Variants in XPO6 observed in about 807,000 individuals in gnomAD.
The protein encoded by XPO6 is exportin 6.
XPO6 carries 3 observed loss-of-function variants against 130.0 expected under a neutral mutation model. The observed-to-expected ratio is 0.02, with a 90% CI of 0.01 to 0.06. The LOEUF is 0.06. XPO6 is among the 10% of genes least tolerant of loss of function. XPO6 has a pLI of 1.00. For missense variants in XPO6, 970 were observed against 1,393.0 expected (o/e 0.70, Z 4.83); for synonymous variants, 524 against 548.9 (o/e 0.95, Z 0.63).
chr16:28,135,133 G>T, intron 10 of XPO6, 83 bp downstream of exon 10: 1 of 1,138,434 alleles, frequency 8.8e-7, no homozygotes. Context: ...CTTCGGAGCA[G>T]AGGGCTCTGG....
At chr16:28,149,886 T>C (rs2043055701) in intron 8 of XPO6, among the ~76,000 whole-genome samples, 2 of 152,186 alleles carry the variant, frequency 1.3e-5, no homozygotes, top group Admixed American at 1.3e-4. Context: ...TTTTCCCACA[T>C]TACAGGTAAT....
At chr16:28,209,450 A>G (rs2044090195) in intron 1 of XPO6, among the ~76,000 whole-genome samples, 1 of 151,690 alleles carries the variant, frequency 6.6e-6, no homozygotes. Context: ...GACCAGCCTG[A>G]CCAACATGGT....
rs938416365 is a variant in XPO6, at chr16:28,123,114, C to CT, written c.1767-1353dup. On this transcript the variant is annotated intron_variant, in intron 13 of 23. Coordinates refer to ENST00000304658, the MANE Select transcript of XPO6 (RefSeq NM_015171.4). ...ACAGGACAACATTCCTTTCTCTCCT[C>CT]TTTTTTTTGAGAAAGCGTCTTGCTC... is the stretch of plus-strand genomic sequence containing the variant. 2.5e-3 allele frequency among the ~76,000 whole-genome samples: 380 copies of CT among 151,934 alleles called. 4 individuals carry two copies. Among genetic ancestry groups the CT allele is most frequent in the African/African-American group, 7.0e-3 (289 of 41,376 alleles).
At chr16:28,189,315 T>C (rs2043748301) in intron 1 of XPO6, among the ~76,000 whole-genome samples, 1 of 150,110 alleles carries the variant, frequency 6.7e-6, no homozygotes, top group Non-Finnish European at 1.5e-5. Context: ...TATTCCTCTA[T>C]TTAAAAAAAA....
At chr16:28,138,626 G>A (rs952526846) in intron 9 of XPO6, among the ~76,000 whole-genome samples, 1 of 152,116 alleles carries the variant, frequency 6.6e-6, no homozygotes, top group Non-Finnish European at 1.5e-5. Context: ...TCCTCAGCAA[G>A]AGAGCACTGG....
At chr16:28,126,511 C>T (rs2087416460) in intron 12 of XPO6, 1 of 152,196 alleles carries the variant, frequency 6.6e-6, no homozygotes, top group South Asian at 2.1e-4. Flanking sequence ...ATTACAAGGG[C>T]CATGTTAAAA....
chr16:28,153,227 A>ATG (rs2043125152), intron 7 of XPO6: 1 of 994,768 alleles, frequency 1.0e-6, no homozygotes, highest in Non-Finnish European at 1.2e-6. Flanking sequence ...AGGGCATGGC[A>ATG]TCCAGGTAAG....
At position 28,119,957 on chromosome 16, in the gene XPO6, T is replaced by C. The variant is rs1596812674; in HGVS notation, c.1859+1713A>G. On this transcript the variant is annotated intron_variant, in intron 14 of 23. Transcript: ENST00000304658. The stretch of plus-strand genomic sequence containing the variant: ...CCCGGGTTCAAGCGACTCTCCCAGC[T>C]CAGCCTCCCGAGTAGTTGGGACTAC... Among the ~76,000 whole-genome samples the C allele has an allele frequency of 2.6e-5, 4 of 152,250 alleles. No homozygotes were observed. The East Asian group carries it at 7.7e-4, about 29-fold the overall frequency.
chr16:28,116,525 C>T (rs183766835), intron 15 of XPO6, among the ~76,000 whole-genome samples: 2 of 151,300 alleles, frequency 1.3e-5, no homozygotes, highest in African/African-American at 2.4e-5. Flanking sequence ...GCTTTTGACA[C>T]GCCTTCCTCA....
chr16:28,198,134 T>G (rs28453272), intron 1 of XPO6, among the ~76,000 whole-genome samples: 151,504 of 152,116 alleles, frequency 1, 75,456 homozygotes, highest in Middle Eastern at 1. Flanking sequence ...TCCATGCAAT[T>G]CGGTATTATA....
intron 1 of XPO6, among the ~76,000 whole-genome samples, chr16:28,190,446 C>T (rs1164642283): frequency 6.6e-6 from 1 of 152,126 alleles, no homozygotes; most frequent in Non-Finnish European, 1.5e-5. Context: ...TGGTCTTGAA[C>T]TCTTGACCTC....
At chr16:28,190,714 C>T (rs553293337) in intron 1 of XPO6, among the ~76,000 whole-genome samples, 2 of 152,168 alleles carry the variant, frequency 1.3e-5, no homozygotes, top group South Asian at 2.1e-4. Context: ...TTCTATTAAC[C>T]GAAGATGGTA....
intron 1 of XPO6, among the ~76,000 whole-genome samples, chr16:28,199,683 C>T (rs1218407678): frequency 6.6e-6 from 1 of 152,196 alleles, no homozygotes; most frequent in Non-Finnish European, 1.5e-5. Flanking sequence ...TCTCCTGCCT[C>T]AGCCTCCCAA....
intron 21 of XPO6, among the ~76,000 whole-genome samples, chr16:28,102,992 T>C (rs991803997): frequency 1.3e-5 from 2 of 152,268 alleles, no homozygotes; most frequent in East Asian, 1.9e-4. Flanking sequence ...TGATGACCAA[T>C]AGTTTCCACT....
chr16:28,191,983 G>C (rs899312430), intron 1 of XPO6, among the ~76,000 whole-genome samples: 2 of 152,182 alleles, frequency 1.3e-5, no homozygotes, highest in South Asian at 2.1e-4. Flanking sequence ...ATAATGGCTG[G>C]GCGCGGTGGC....
At chr16:28,184,997 T>C (rs947775530) in intron 1 of XPO6, among the ~76,000 whole-genome samples, 1 of 152,064 alleles carries the variant, frequency 6.6e-6, no homozygotes, top group Non-Finnish European at 1.5e-5. Context: ...TTATACACAA[T>C]ACCCAAAAAG....
At position 28,102,000 on chromosome 16, in the gene XPO6, T is replaced by C. The variant is rs1206509979; in HGVS notation, c.2947-55A>G. On this transcript the variant is annotated intron_variant, in intron 21 of 23. Transcript: ENST00000304658. This position sits in a 1 kb window ranked among gnomAD's most constrained non-coding sequence, Gnocchi z 5.4. Reference sequence around the variant, plus strand: ...TGCAAGACCAAGCACTTCTGGAGCATCTACCCCATGTCAGAAGAACAAGTG... The same window carrying C: ...TGCAAGACCAAGCACTTCTGGAGCACCTACCCCATGTCAGAAGAACAAGTG... 2.0e-6 allele frequency: 3 copies of C among 1,469,144 alleles called. No homozygotes were observed. The highest frequency in any genetic ancestry group is 2.8e-5 in the African/African-American group (2 of 71,636). The allele number at this position is 1,469,144 out of a possible 1,614,324, so 91.0% of individuals were successfully genotyped here.
At chr16:28,111,522 A>G (rs1486079316) in intron 17 of XPO6, 2 of 297,976 alleles carry the variant, frequency 6.7e-6, no homozygotes. Context: ...GATGTATTTT[A>G]TAGACAGAAG....
chr16:28,176,194 T>C (rs2043531052), intron 3 of XPO6, 99 bp from the exon 4 acceptor site: 5 of 1,104,826 alleles, frequency 4.5e-6, no homozygotes, highest in Admixed American at 4.7e-5. Context: ...TAAACAAGAA[T>C]CCCTCTTTAA....
Sources: gnomAD v4.1 joint callset for allele counts (sites outside exome capture counted in the v4.1 genomes callset) on GRCh38, gnomAD v4.1.1 for gene constraint, Gnocchi (gnomAD v3.1) non-coding constraint, MANE v1.5 for transcripts, NCBI Gene and HGNC (gene_info 2026-07-23, HGNC 2026-07-21) for gene names.